METAP1D: variants seen among roughly 807,000 people sequenced by gnomAD.
METAP1D encodes the protein methionine aminopeptidase 1D, mitochondrial.
A neutral mutation model predicts 40.5 loss-of-function variants in METAP1D; 31 were observed. That is an observed-to-expected ratio of 0.77 (90% CI 0.58 to 1.03). The LOEUF (loss-of-function observed/expected upper bound fraction) is 1.03, where lower values mean the gene tolerates loss of function less well. Ranked by LOEUF, METAP1D falls within the 50% of genes least tolerant of loss-of-function variation. METAP1D has a pLI of 0.00. For synonymous variants in METAP1D, 151 were observed against 146.4 expected, an observed-to-expected ratio of 1.03 and a Z score of -0.22; for missense variants, 411 against 420.7, an observed-to-expected ratio of 0.98 and a Z score of 0.20.
At chr2:172,076,091 C>T (rs557754649) in intron 6 of METAP1D, among the ~76,000 whole-genome samples, 2 of 152,010 alleles carry the variant, frequency 1.3e-5, no homozygotes, top group Non-Finnish European at 2.9e-5. Context: ...CTTTCTTCCT[C>T]TCCTCTCATC....
chr2:172,015,654 G>C (rs1028115531), intron 1 of METAP1D, among the ~76,000 whole-genome samples: 1 of 152,054 alleles, frequency 6.6e-6, no homozygotes, highest in African/African-American at 2.4e-5. Flanking sequence ...CTGCAGTCAA[G>C]TGACCTTTGA....
chr2:172,037,018 G>T (rs1159424288), intron 1 of METAP1D, among the ~76,000 whole-genome samples: 1 of 152,202 alleles, frequency 6.6e-6, no homozygotes, highest in East Asian at 1.9e-4. Flanking sequence ...CCAGCACTTT[G>T]GTAGGCCAAG....
intron 1 of METAP1D, among the ~76,000 whole-genome samples, chr2:172,045,686 A>G (rs1689723051): frequency 9.8e-6 from 1 of 101,918 alleles, no homozygotes; most frequent in South Asian, 3.6e-4. Context: ...AAAAAAAAGG[A>G]TCATTCATAT....
At chr2:172,053,631 A>G (rs560454713) in intron 1 of METAP1D, among the ~76,000 whole-genome samples, 2 of 152,364 alleles carry the variant, frequency 1.3e-5, no homozygotes, top group Admixed American at 6.5e-5. Flanking sequence ...CATGCTATAA[A>G]TAATAGTTTT....
chr2:172,033,001 G>A (rs867808803), intron 1 of METAP1D, among the ~76,000 whole-genome samples: 1 of 152,064 alleles, frequency 6.6e-6, no homozygotes, highest in African/African-American at 2.4e-5. Flanking sequence ...GGAGCTTGCA[G>A]CGAGCTGAGA....
chr2:172,018,669 G>A (rs552351344), intron 1 of METAP1D, among the ~76,000 whole-genome samples: 6 of 152,200 alleles, frequency 3.9e-5, no homozygotes, highest in African/African-American at 1.2e-4. Context: ...TTAAGGGTGG[G>A]GTACTATGAT....
At chr2:172,007,194 G>C (rs901911669) in intron 1 of METAP1D, among the ~76,000 whole-genome samples, 1 of 144,476 alleles carries the variant, frequency 6.9e-6, no homozygotes, top group African/African-American at 2.6e-5. Context: ...TTTAAGAGAA[G>C]GGCCTTGTTC....
chr2:172,014,405 C>CG (rs1688804217), intron 1 of METAP1D, among the ~76,000 whole-genome samples: 1 of 152,156 alleles, frequency 6.6e-6, no homozygotes, highest in Non-Finnish European at 1.5e-5. Context: ...AGCCACCGTG[C>CG]CTGGTCAGAA....
chr2:172,029,442 A>G (rs1480306965), intron 1 of METAP1D, among the ~76,000 whole-genome samples: 2 of 152,212 alleles, frequency 1.3e-5, no homozygotes, highest in Non-Finnish European at 2.9e-5. Context: ...GTACTTATTT[A>G]TTTGCTTTTA....
intron 1 of METAP1D, among the ~76,000 whole-genome samples, chr2:172,009,179 T>C (rs1375305865): frequency 1.3e-5 from 2 of 151,950 alleles, no homozygotes; most frequent in Non-Finnish European, 2.9e-5. Context: ...TAGCTGGGAC[T>C]AGGGGCGCCC....
At chr2:172,010,330 TG>T (rs1162243290) in intron 1 of METAP1D, among the ~76,000 whole-genome samples, 2 of 151,084 alleles carry the variant, frequency 1.3e-5, no homozygotes, top group Non-Finnish European at 3.0e-5. Context: ...TTTGTAGAGA[TG>T]GGGTTTCACC....
chr2:172,005,718 T>C (rs1482926470), intron 1 of METAP1D, among the ~76,000 whole-genome samples: 1 of 151,324 alleles, frequency 6.6e-6, no homozygotes, highest in Non-Finnish European at 1.5e-5. Flanking sequence ...TTGTATTTTT[T>C]TGTAGAGGCG....
rs541931707 is a variant in METAP1D at position 172,059,164 on chromosome 2, A to G, written c.41-2334A>G. On this transcript the variant is annotated intron_variant, in intron 1 of 9. Transcript: ENST00000315796. ...TGCTCTGTCACCCAGGCTGGAGTGC[A>G]GTGGCGCGATCTTGGCTCACTGCAC... Among the ~76,000 whole-genome samples the G allele has an allele frequency of 6.1e-5, 9 of 147,518 alleles. 1 individual carries two copies. The highest frequency in any genetic ancestry group is 2.3e-4 in the African/African-American group (9 of 39,718).
chr2:172,005,407 T>A (rs954521633), intron 1 of METAP1D, among the ~76,000 whole-genome samples: 14 of 151,464 alleles, frequency 9.2e-5, no homozygotes, highest in African/African-American at 2.9e-4. Context: ...TTTGGTTTTC[T>A]TTTCCTGAGT....
chr2:172,010,220 A>C (rs1437380425), intron 1 of METAP1D, among the ~76,000 whole-genome samples: 1 of 149,504 alleles, frequency 6.7e-6, no homozygotes, highest in Admixed American at 6.7e-5. Context: ...AACTCACTGC[A>C]GCCTTGACCT....
chr2:172,035,701 T>TG (rs1424763516), intron 1 of METAP1D, among the ~76,000 whole-genome samples: 1 of 152,182 alleles, frequency 6.6e-6, no homozygotes, highest in African/African-American at 2.4e-5. Flanking sequence ...CAGGCTGGAA[T>TG]GCAGTGGCAT....
At chr2:172,017,294 T>C (rs1162279913) in intron 1 of METAP1D, among the ~76,000 whole-genome samples, 1 of 150,432 alleles carries the variant, frequency 6.6e-6, no homozygotes, top group Non-Finnish European at 1.5e-5. Context: ...TATACACATA[T>C]ATAAAACCTT....
intron 1 of METAP1D, among the ~76,000 whole-genome samples, chr2:172,039,944 G>T (rs1689477395): frequency 6.6e-6 from 1 of 150,938 alleles, no homozygotes. Flanking sequence ...CAGAGTGCTG[G>T]GATTACAGGC....
chr2:172,062,644 G>T (rs1456069469), intron 2 of METAP1D, among the ~76,000 whole-genome samples: 1 of 152,176 alleles, frequency 6.6e-6, no homozygotes, highest in Non-Finnish European at 1.5e-5. Flanking sequence ...GTGAGCATTT[G>T]TGGGCATTTG....
Sources: gnomAD v4.1 joint callset for allele counts (sites outside exome capture counted in the v4.1 genomes callset) on GRCh38, gnomAD v4.1.1 for gene constraint, MANE v1.5 for transcripts, NCBI Gene and HGNC (gene_info 2026-07-23, HGNC 2026-07-21) for gene names.